Variants in RBM26 observed in about 807,000 individuals in gnomAD.
RBM26 encodes the protein RNA-binding protein 26.
Under a neutral mutation model 123.6 loss-of-function variants are expected in RBM26, and 30 were observed. The observed-to-expected ratio is 0.24, with a 90% CI of 0.18 to 0.33. RBM26 has a LOEUF of 0.33. RBM26 is among the 10% of genes least tolerant of loss of function. The pLI is 1.00. For synonymous variants in RBM26, 400 were observed against 404.4 expected (o/e 0.99, Z 0.13); for missense variants, 947 against 1,203.6 (o/e 0.79, Z 3.15).
intron 11 of RBM26, among the ~76,000 whole-genome samples, chr13:79,357,837 G>A (rs1445013281): frequency 6.6e-6 from 1 of 151,706 alleles, no homozygotes; most frequent in African/African-American, 2.4e-5. Context: ...TTCCTAAAAG[G>A]TAGAGTTCCA....
intron 1 of RBM26, among the ~76,000 whole-genome samples, chr13:79,382,628 A>C (rs1327236577): frequency 6.6e-6 from 1 of 152,182 alleles, no homozygotes; most frequent in Non-Finnish European, 1.5e-5. Context: ...ACTCAACAAT[A>C]GCATTTGTAG....
intron 13 of RBM26, among the ~76,000 whole-genome samples, chr13:79,353,923 C>A (rs1420535418): frequency 6.6e-6 from 1 of 151,970 alleles, no homozygotes; most frequent in Non-Finnish European, 1.5e-5. Flanking sequence ...GAAAAGAATC[C>A]CAGAGTCAGG....
chr13:79,320,620 A>G lies in RBM26; in HGVS notation c.*1T>C. The G allele has an allele frequency of 6.3e-7, 1 of 1,591,808 alleles. No individual in the cohort carries two copies. The highest frequency in any genetic ancestry group is 8.5e-7 in the Non-Finnish European group (1 of 1,170,832). ...CATATGCAGATCAATGATCAGTCAAATCATCTTCTCCAAGAACGAGATTCA... is the reference window on the plus strand; with the variant it reads ...CATATGCAGATCAATGATCAGTCAAGTCATCTTCTCCAAGAACGAGATTCA... On this transcript the variant is annotated 3_prime_UTR_variant, in exon 22 of 22. Coordinates refer to ENST00000438737, the MANE Select transcript of RBM26 (RefSeq NM_001366735.2).
At chr13:79,337,509 G>A (rs1226857633) in intron 18 of RBM26, among the ~76,000 whole-genome samples, 1 of 152,144 alleles carries the variant, frequency 6.6e-6, no homozygotes, top group Non-Finnish European at 1.5e-5. Context: ...AAATAACACT[G>A]AGGTCTTGGA....
chr13:79,335,185 TATC>T (rs2070141673), intron 19 of RBM26, among the ~76,000 whole-genome samples: 1 of 152,074 alleles, frequency 6.6e-6, no homozygotes, highest in South Asian at 2.1e-4. Context: ...GCTCCACACA[TATC>T]ATAGAAATGT....
At chr13:79,400,831 T>C (rs1189349017) in intron 1 of RBM26, among the ~76,000 whole-genome samples, 1 of 152,202 alleles carries the variant, frequency 6.6e-6, no homozygotes, top group Non-Finnish European at 1.5e-5. Flanking sequence ...TAAGTAATTT[T>C]GGTTGTAATT....
intron 1 of RBM26, among the ~76,000 whole-genome samples, chr13:79,391,057 T>C (rs115655002): frequency 2.1e-3 from 317 of 152,222 alleles, no homozygotes; most frequent in African/African-American, 7.2e-3. Flanking sequence ...TGAATAAAAA[T>C]ACATAAATAA....
chr13:79,316,651 G>T (rs970161723), downstream of RBM26, among the ~76,000 whole-genome samples: 1 of 151,718 alleles, frequency 6.6e-6, no homozygotes, highest in African/African-American at 2.4e-5. Context: ...TTGGGTATCA[G>T]TTAAATATAA....
chr13:79,312,394 G>A (rs1356770223), exon 5 of RBM26: 1 of 151,908 alleles, frequency 6.6e-6, no homozygotes, highest in Non-Finnish European at 1.5e-5. Flanking sequence ...CATTCATTAA[G>A]GTGCTGGAAG....
At chr13:79,344,163 CT>C (rs2071898942) in intron 16 of RBM26, 84 bp downstream of exon 16, 1 of 862,674 alleles carries the variant, frequency 1.2e-6, no homozygotes, top group Non-Finnish European at 2.0e-6. Flanking sequence ...TATAGTAAAT[CT>C]TTTTATGACT....
chr13:79,343,910 TA>T (rs2071857136), intron 16 of RBM26, among the ~76,000 whole-genome samples: 1 of 151,848 alleles, frequency 6.6e-6, no homozygotes, highest in Non-Finnish European at 1.5e-5. Flanking sequence ...ACTGCTATAC[TA>T]AAAAACACAG....
In RBM26 at chr13:79,375,096, T is replaced by TTATATATCATATAAATATATTTA. The variant is rs1555332782; in HGVS notation, c.327+2282_327+2283insTAAATATATTTATATGATATATA. Among the ~76,000 whole-genome samples the TTATATATCATATAAATATATTTA allele has an allele frequency of 6.8e-3, 646 of 95,272 alleles. 9 individuals are homozygous for TTATATATCATATAAATATATTTA. The highest frequency in any genetic ancestry group is 0.032 in the South Asian group (110 of 3,398). The allele number at this position is 95,272 out of a possible 152,430, so 62.5% of individuals were successfully genotyped here. On this transcript the variant is annotated intron_variant, in intron 3 of 21. Transcript: ENST00000438737. ...TTATATGATATATATAAATATATAT[T>TTATATATCATATAAATATATTTA]TATATATATCATATAAATATATATT...
Position 79,320,565 on chromosome 13 carries a change from A to G in RBM26, c.*56T>C, listed in dbSNP as rs761807586. The G allele has an allele frequency of 2.8e-6, 4 of 1,444,662 alleles. No homozygotes were observed. The highest frequency in any genetic ancestry group is 3.7e-6 in the Non-Finnish European group (4 of 1,089,560). The allele number at this position is 1,444,662 out of a possible 1,614,324, so 89.5% of individuals were successfully genotyped here. A position where few individuals can be genotyped will look rare whatever the true frequency, so the allele number is the denominator to read the frequency against. ...ACAAATATGTAAAAGTACATTAGAT[A>G]ATACTAATGAAACACAGGTAGAGTT... On this transcript the variant is annotated 3_prime_UTR_variant, in exon 22 of 22. Coordinates refer to ENST00000438737, the MANE Select transcript of RBM26 (RefSeq NM_001366735.2).
chr13:79,335,704 G>C (rs1410123063), intron 19 of RBM26, among the ~76,000 whole-genome samples: 2 of 152,042 alleles, frequency 1.3e-5, no homozygotes, highest in Admixed American at 1.3e-4. Context: ...TTCATTTAGA[G>C]GCTCTGAATA....
At chr13:79,334,101 C>T (rs962364683) in intron 20 of RBM26, among the ~76,000 whole-genome samples, 8 of 152,222 alleles carry the variant, frequency 5.3e-5, no homozygotes, top group South Asian at 2.1e-4. Context: ...TGGTATCTCA[C>T]GACAGCACAA....
chr13:79,335,219 G>C (rs924987862), intron 19 of RBM26, among the ~76,000 whole-genome samples: 1 of 152,068 alleles, frequency 6.6e-6, no homozygotes, highest in African/African-American at 2.4e-5. Context: ...ACAGTAAAGA[G>C]AATGTCCTAG....
At chr13:79,325,895 C>A (rs892214694) in intron 20 of RBM26, among the ~76,000 whole-genome samples, 3 of 152,122 alleles carry the variant, frequency 2.0e-5, no homozygotes, top group Admixed American at 6.6e-5. Flanking sequence ...ATCTTTTATA[C>A]CCTATTTTTA....
chr13:79,348,939 T>C (rs932081946), intron 14 of RBM26, among the ~76,000 whole-genome samples: 4 of 152,220 alleles, frequency 2.6e-5, no homozygotes, highest in Non-Finnish European at 5.9e-5. Context: ...ATTCTTTTAA[T>C]TGACAAAAAC....
chr13:79,402,867 C>CAA (rs2140584516), intron 1 of RBM26, among the ~76,000 whole-genome samples: 2 of 21,834 alleles, frequency 9.2e-5, no homozygotes, highest in East Asian at 2.8e-3. Flanking sequence ...TTGTTACCTA[C>CAA]TATATCTTGC....
Sources: gnomAD v4.1 joint callset for allele counts (sites outside exome capture counted in the v4.1 genomes callset) on GRCh38, gnomAD v4.1.1 for gene constraint, MANE v1.5 for transcripts, NCBI Gene and HGNC (gene_info 2026-07-23, HGNC 2026-07-21) for gene names.